LMTK2: variants seen among roughly 807,000 people sequenced by gnomAD.
The protein encoded by LMTK2 is lemur tail kinase 2, also known as serine/threonine-protein kinase LMTK2.
Under a neutral mutation model 127.5 loss-of-function variants are expected in LMTK2, and 37 were observed. That is an observed-to-expected ratio of 0.29 (90% CI 0.22 to 0.38). LMTK2 has a LOEUF of 0.38. LMTK2 is among the 10% of genes least tolerant of loss of function. The probability of loss-of-function intolerance (pLI) is 1.00; values close to 1 mark genes in which losing one functional copy is unlikely to be tolerated. For missense variants in LMTK2, 1,694 were observed against 1,920.3 expected, an observed-to-expected ratio of 0.88 and a Z score of 2.20; for synonymous variants, 819 against 810.1, an observed-to-expected ratio of 1.01 and a Z score of -0.19.
At chr7:98,138,624 C>T (rs1162234009) in intron 2 of LMTK2, among the ~76,000 whole-genome samples, 3 of 152,204 alleles carry the variant, frequency 2.0e-5, no homozygotes, top group African/African-American at 7.2e-5. Context: ...AGTAGGGGCA[C>T]AGTTGTCGGT....
chr7:98,144,307 C>T (rs1290729785), intron 3 of LMTK2, among the ~76,000 whole-genome samples: 2 of 151,928 alleles, frequency 1.3e-5, no homozygotes, highest in South Asian at 2.1e-4. Context: ...GTGACGGGCG[C>T]CTGTATTCCC....
intron 3 of LMTK2, among the ~76,000 whole-genome samples, chr7:98,149,288 G>C (rs1297442909): frequency 6.6e-6 from 1 of 152,180 alleles, no homozygotes; most frequent in East Asian, 1.9e-4. Flanking sequence ...AGGGAGATTG[G>C]AGAAGCAGGG....
intron 11 of LMTK2, among the ~76,000 whole-genome samples, chr7:98,200,720 A>G (rs961057088): frequency 7.2e-5 from 11 of 152,366 alleles, no homozygotes; most frequent in Non-Finnish European, 1.6e-4. Context: ...TAACCTACAC[A>G]CATCCTCCTG....
At chr7:98,130,366 A>C (rs986449634) in intron 1 of LMTK2, among the ~76,000 whole-genome samples, 2 of 151,980 alleles carry the variant, frequency 1.3e-5, no homozygotes, top group Non-Finnish European at 2.9e-5. Context: ...GATATAGCAC[A>C]CTCTGTCCCC....
At chr7:98,159,246 C>A (rs1796977108) in intron 5 of LMTK2, 92 bp from the exon 6 acceptor site, 3 of 715,408 alleles carry the variant, frequency 4.2e-6, no homozygotes, top group Non-Finnish European at 6.7e-6. Context: ...ATTTGGATTA[C>A]TATTTGAATA....
In LMTK2 at chr7:98,141,380, G is replaced by A. The variant is rs1796696839; in HGVS notation, c.232-17G>A. On this transcript the variant is annotated splice_polypyrimidine_tract_variant and intron_variant, in intron 2 of 13. Transcript: ENST00000297293. ...TGTTAGCCAATGGTTTTTAATGCTT[G>A]CTCTCTTTCATTTTAGGAATTTGAA... The A allele has an allele frequency of 6.2e-7, 1 of 1,610,140 alleles. No homozygotes were observed. The highest frequency in any genetic ancestry group is 2.2e-5 in the East Asian group (1 of 44,866).
chr7:98,140,148 T>TGTCTGTC (rs1562902741), intron 2 of LMTK2, among the ~76,000 whole-genome samples: 2 of 5,876 alleles, frequency 3.4e-4, no homozygotes, highest in African/African-American at 9.7e-4. Context: ...CTTTCTTTTC[T>TGTCTGTC]TTTCTTTTCT....
intron 3 of LMTK2, among the ~76,000 whole-genome samples, chr7:98,142,538 AC>A (rs1796714573): frequency 6.6e-6 from 1 of 152,120 alleles, no homozygotes; most frequent in African/African-American, 2.4e-5. Flanking sequence ...AAGTATACTT[AC>A]TCTAAATGGA....
In LMTK2 at chr7:98,192,117, A is replaced by G. The variant is rs752790900; in HGVS notation, c.1652A>G (p.Tyr551Cys). ...DAHNLSVGSD[Y>C]YIQLEEKSGS... Reference sequence around the variant, plus strand: ...CACAACCTTTCTGTTGGAAGCGACTATTATATCCAGTTAGAAGAAAAAAGT... The same window carrying G: ...CACAACCTTTCTGTTGGAAGCGACTGTTATATCCAGTTAGAAGAAAAAAGT... The change falls in exon 11 of 14, where the codon TAT (tyrosine) becomes TGT (cysteine). Residue 551 changes from tyrosine (Y) to cysteine (C), a missense_variant. This residue lies in a region of LMTK2 where 527 missense variants were observed against 539.8 expected (regional missense o/e 0.98). Coordinates refer to ENST00000297293, the MANE Select transcript of LMTK2 (RefSeq NM_014916.4). 68 of 1,545,932 alleles carry G rather than the reference A, an allele frequency of 4.4e-5. No homozygotes were observed. In the South Asian group the frequency reaches 4.7e-4, roughly 11 times the overall value.
intron 1 of LMTK2, among the ~76,000 whole-genome samples, chr7:98,136,625 G>A (rs971890179): frequency 2.0e-5 from 3 of 152,206 alleles, no homozygotes; most frequent in Non-Finnish European, 2.9e-5. Context: ...GGTTGGTGAC[G>A]CCTGGTGGGA....
chr7:98,127,154 G>A (rs1404835874), intron 1 of LMTK2, among the ~76,000 whole-genome samples: 1 of 152,172 alleles, frequency 6.6e-6, no homozygotes, highest in Non-Finnish European at 1.5e-5. Flanking sequence ...GATGATAGAT[G>A]GGTTTGTAAG....
At chr7:98,129,942 A>G (rs1796498312) in intron 1 of LMTK2, among the ~76,000 whole-genome samples, 3 of 152,082 alleles carry the variant, frequency 2.0e-5, no homozygotes. Flanking sequence ...TGCAACATGG[A>G]GTGACAGATT....
In LMTK2 at chr7:98,117,977, A is replaced by C. The variant is rs1175426958; in HGVS notation, c.103+10697A>C. Among the ~76,000 whole-genome samples, 6 of 152,216 alleles carry C rather than the reference A, an allele frequency of 3.9e-5. No homozygotes were observed. The East Asian group carries it at 9.7e-4, about 25-fold the overall frequency. On this transcript the variant is annotated intron_variant, in intron 1 of 13. Coordinates refer to ENST00000297293, the MANE Select transcript of LMTK2 (RefSeq NM_014916.4). ...GTGAGATTGTCTCAAAAAAAACCAA[A>C]CAAACAAAAAAAACAAGATCTGGGT... is the stretch of plus-strand genomic sequence containing the variant.
chr7:98,184,692 C>T (rs879448391), intron 7 of LMTK2, among the ~76,000 whole-genome samples: 1 of 151,664 alleles, frequency 6.6e-6, no homozygotes, highest in Non-Finnish European at 1.5e-5. Context: ...GTCACAGGCA[C>T]GTCCTTAACC....
At chr7:98,122,708 GTGTGTGTGTGTGTGTGTGTA>G (rs1796380845) in intron 1 of LMTK2, among the ~76,000 whole-genome samples, 2 of 3,700 alleles carry the variant, frequency 5.4e-4, no homozygotes, top group Admixed American at 2.5e-3. Context: ...GTGTGTGTGT[GTGTGTGTGTGTGTGTGTGTA>G]TATATATAAC....
intron 11 of LMTK2, among the ~76,000 whole-genome samples, chr7:98,199,031 CTTTT>C (rs1427430840): frequency 2.0e-5 from 3 of 151,892 alleles, no homozygotes; most frequent in East Asian, 1.9e-4. Context: ...TTTATTGTAT[CTTTT>C]TGTTATTAAA....
chr7:98,176,225 T>TACA (rs1424660158), intron 7 of LMTK2, among the ~76,000 whole-genome samples: 55 of 152,208 alleles, frequency 3.6e-4, no homozygotes, highest in Non-Finnish European at 6.6e-4. Context: ...TTAGTATAAT[T>TACA]CAGCAGCTAT....
chr7:98,147,367 C>T (rs553013299), intron 3 of LMTK2, among the ~76,000 whole-genome samples: 53 of 152,180 alleles, frequency 3.5e-4, no homozygotes, highest in South Asian at 8.3e-4. Context: ...TACAGGTGCA[C>T]GCTACCACTC....
Position 98,190,896 on chromosome 7 carries a change from C to T in LMTK2, c.1148+19C>T, listed in dbSNP as rs374911233. On this transcript the variant is annotated intron_variant, in intron 10 of 13. Coordinates refer to ENST00000297293, the MANE Select transcript of LMTK2 (RefSeq NM_014916.4). ...ATAGATGGTTGGTAGCCTCACATTCCGCCTGTTCTGTTTCGTCTTCACTGT... is the reference window on the plus strand; with the variant it reads ...ATAGATGGTTGGTAGCCTCACATTCTGCCTGTTCTGTTTCGTCTTCACTGT... 8.6e-5 allele frequency: 139 copies of T among 1,611,712 alleles called. 1 individual carries two copies. In the South Asian group the frequency reaches 1.2e-3, roughly 14 times the overall value.
Sources: allele counts gnomAD v4.1 joint callset (sites outside exome capture counted in the v4.1 genomes callset), GRCh38; gene constraint gnomAD v4.1.1; regional missense constraint gnomAD v4.1.1; transcripts MANE v1.5; gene names NCBI Gene and HGNC (gene_info 2026-07-23, HGNC 2026-07-21).